The following AGBL4 variants were observed in gnomAD, a reference collection of about 807,000 sequenced individuals.
The protein encoded by AGBL4 is AGBL carboxypeptidase 4, also known as cytosolic carboxypeptidase 6.
In AGBL4, 58 loss-of-function variants were observed where a neutral mutation model predicts 66.4. The observed-to-expected ratio is 0.87, with a 90% CI of 0.71 to 1.09. AGBL4 has a LOEUF of 1.09. AGBL4 is among the 50% of genes least tolerant of loss of function. The probability of loss-of-function intolerance (pLI) is 0.00; values close to 1 mark genes in which losing one functional copy is unlikely to be tolerated. For synonymous variants in AGBL4, 234 were observed against 222.9 expected, an observed-to-expected ratio of 1.05 and a Z score of -0.44; for missense variants, 579 against 631.0, an observed-to-expected ratio of 0.92 and a Z score of 0.88.
At chr1:49,134,233 G>C (rs1028083864) in intron 4 of AGBL4, among the ~76,000 whole-genome samples, 2 of 152,080 alleles carry the variant, frequency 1.3e-5, no homozygotes, top group African/African-American at 4.8e-5. Flanking sequence ...AGGTCAGGGC[G>C]AGACCACGAG....
At chr1:49,934,015 A>C (rs1653657374) in intron 1 of AGBL4, among the ~76,000 whole-genome samples, 2 of 152,174 alleles carry the variant, frequency 1.3e-5, no homozygotes, top group Non-Finnish European at 2.9e-5. Context: ...CAAAAGATTT[A>C]TTTTATTTTA....
intron 3 of AGBL4, among the ~76,000 whole-genome samples, chr1:49,645,623 AAGTT>A (rs1645869391): frequency 6.6e-6 from 1 of 151,440 alleles, no homozygotes; most frequent in Admixed American, 6.6e-5. Context: ...TTTAAGAAAA[AAGTT>A]AGTATCAAAT....
intron 11 of AGBL4, among the ~76,000 whole-genome samples, chr1:48,547,278 C>G (rs1247286789): frequency 1.3e-5 from 2 of 152,076 alleles, no homozygotes; most frequent in African/African-American, 2.4e-5. Flanking sequence ...GGCAGAGTAG[C>G]TAGGGACGAC....
chr1:48,784,904 A>G (rs1451114619), intron 6 of AGBL4, among the ~76,000 whole-genome samples: 2 of 152,258 alleles, frequency 1.3e-5, no homozygotes, highest in Non-Finnish European at 2.9e-5. Context: ...AATTGTCACA[A>G]AGAACCAACA....
chr1:49,714,413 T>C (rs1364005587), intron 2 of AGBL4, among the ~76,000 whole-genome samples: 1 of 151,882 alleles, frequency 6.6e-6, no homozygotes, highest in Non-Finnish European at 1.5e-5. Context: ...AGAATGTCCA[T>C]GTATACACAT....
At chr1:48,525,704 A>AC in the AGBL4 span, among the ~76,000 whole-genome samples, 15 of 152,332 alleles carry the variant, frequency 9.8e-5, no homozygotes, top group African/African-American at 3.6e-4. Context: ...AATGTCTAAT[A>AC]CAGCCAGGCA....
chr1:49,852,717 T>C (rs1646335285), intron 1 of AGBL4, among the ~76,000 whole-genome samples: 1 of 152,120 alleles, frequency 6.6e-6, no homozygotes, highest in African/African-American at 2.4e-5. Flanking sequence ...ATACTATAAA[T>C]ATTATTCATC....
chr1:48,571,160 A>G (rs1408970542), intron 11 of AGBL4, among the ~76,000 whole-genome samples: 1 of 152,244 alleles, frequency 6.6e-6, no homozygotes, highest in African/African-American at 2.4e-5. Context: ...TATTCAACAG[A>G]TAAGATATAT....
chr1:48,740,560 A>G (rs913977371), intron 6 of AGBL4, among the ~76,000 whole-genome samples: 2 of 152,246 alleles, frequency 1.3e-5, no homozygotes, highest in Non-Finnish European at 2.9e-5. Flanking sequence ...ACCACAGTAT[A>G]CTATTTGACC....
At chr1:49,260,317 C>G (rs938300110) in intron 3 of AGBL4, among the ~76,000 whole-genome samples, 1 of 150,220 alleles carries the variant, frequency 6.7e-6, no homozygotes, top group African/African-American at 2.4e-5. Flanking sequence ...CAGAGCAGAA[C>G]TGAAGGAAAT....
chr1:49,779,912 C>T (rs1010527802), intron 2 of AGBL4, among the ~76,000 whole-genome samples: 1 of 146,876 alleles, frequency 6.8e-6, no homozygotes, highest in Admixed American at 7.0e-5. Context: ...AAGAAAAAGA[C>T]AATGAGAAAA....
chr1:49,989,079 C>G (rs1430323034), intron 1 of AGBL4, among the ~76,000 whole-genome samples: 1 of 152,008 alleles, frequency 6.6e-6, no homozygotes, highest in Non-Finnish European at 1.5e-5. Context: ...TCTAACAGTC[C>G]CAAGATCACA....
At chr1:49,521,917 G>A (rs1455659739) in intron 3 of AGBL4, among the ~76,000 whole-genome samples, 1 of 151,866 alleles carries the variant, frequency 6.6e-6, no homozygotes, top group Non-Finnish European at 1.5e-5. Flanking sequence ...TTAGAGGGGG[G>A]AATGAGTGCA....
intron 4 of AGBL4, among the ~76,000 whole-genome samples, chr1:49,162,884 T>G (rs187919796): frequency 6.6e-6 from 1 of 152,242 alleles, no homozygotes; most frequent in Non-Finnish European, 1.5e-5. Flanking sequence ...TCAATAACTA[T>G]GAGTTTCTTT....
At chr1:49,982,596 G>C (rs1366502213) in intron 1 of AGBL4, among the ~76,000 whole-genome samples, 2 of 152,202 alleles carry the variant, frequency 1.3e-5, no homozygotes, top group African/African-American at 2.4e-5. Flanking sequence ...CTTCAAGCTG[G>C]GGAGGGCCTG....
intron 4 of AGBL4, among the ~76,000 whole-genome samples, chr1:49,150,391 C>T (rs185230081): frequency 3.6e-4 from 54 of 152,046 alleles, no homozygotes; most frequent in African/African-American, 1.0e-3. Flanking sequence ...TACAAGTGAG[C>T]GGCAGAATTT....
intron 1 of AGBL4, among the ~76,000 whole-genome samples, chr1:49,884,539 T>C (rs906179966): frequency 3.1e-4 from 47 of 151,874 alleles, no homozygotes; most frequent in Non-Finnish European, 6.6e-4. Flanking sequence ...AAAAGTAATG[T>C]AAAGTAACAC....
At chr1:49,239,722 T>C (rs990377901) in intron 4 of AGBL4, among the ~76,000 whole-genome samples, 1 of 152,146 alleles carries the variant, frequency 6.6e-6, no homozygotes, top group South Asian at 2.1e-4. Context: ...TAGACATTTA[T>C]TGAATACCTG....
chr1:49,962,810 A>G (rs762291090), intron 1 of AGBL4, among the ~76,000 whole-genome samples: 1 of 152,176 alleles, frequency 6.6e-6, no homozygotes, highest in Non-Finnish European at 1.5e-5. Context: ...TTTTAGAGCT[A>G]AAGAGGACCT....
Sources: allele counts gnomAD v4.1 joint callset (sites outside exome capture counted in the v4.1 genomes callset), GRCh38; gene constraint gnomAD v4.1.1; transcripts MANE v1.5; gene names NCBI Gene and HGNC (gene_info 2026-07-23, HGNC 2026-07-21).